The following GALNTL6 variants were observed in gnomAD, a reference collection of about 807,000 sequenced individuals.
GALNTL6 encodes polypeptide N-acetylgalactosaminyltransferase like 6.
A neutral mutation model predicts 73.7 loss-of-function variants in GALNTL6; 46 were observed. That is an observed-to-expected ratio of 0.62 (90% CI 0.49 to 0.80). GALNTL6 has a LOEUF of 0.80. Ranked by LOEUF, GALNTL6 falls within the 30% of genes least tolerant of loss-of-function variation. The probability of loss-of-function intolerance (pLI) is 0.00; values close to 1 mark genes in which losing one functional copy is unlikely to be tolerated. For synonymous variants in GALNTL6, 259 were observed against 263.7 expected (o/e 0.98, Z 0.17); for missense variants, 604 against 755.0 (o/e 0.80, Z 2.34).
At chr4:172,086,692 A>G (rs1202836525) in intron 2 of GALNTL6, among the ~76,000 whole-genome samples, 3 of 152,112 alleles carry the variant, frequency 2.0e-5, no homozygotes, top group Non-Finnish European at 4.4e-5. Flanking sequence ...ATTATTTCAA[A>G]TAATATGCAT....
intron 5 of GALNTL6, among the ~76,000 whole-genome samples, chr4:172,747,679 G>T (rs542285070): frequency 6.6e-6 from 1 of 151,930 alleles, no homozygotes; most frequent in African/African-American, 2.4e-5. Flanking sequence ...TATACCAAAG[G>T]AATTGAAATC....
At chr4:171,929,797 T>C (rs542330164) in intron 2 of GALNTL6, among the ~76,000 whole-genome samples, 208 of 152,256 alleles carry the variant, frequency 1.4e-3, no homozygotes, top group African/African-American at 4.7e-3. Context: ...CCCAGTCCCA[T>C]GGTGCCTGTG....
chr4:172,631,670 G>A (rs1739403186), intron 5 of GALNTL6, among the ~76,000 whole-genome samples: 1 of 152,142 alleles, frequency 6.6e-6, no homozygotes, highest in Non-Finnish European at 1.5e-5. Flanking sequence ...ACTCATGTGT[G>A]GACAATGTTT....
chr4:172,205,845 A>C (rs1736093065), intron 2 of GALNTL6, among the ~76,000 whole-genome samples: 1 of 152,186 alleles, frequency 6.6e-6, no homozygotes, highest in African/African-American at 2.4e-5. Flanking sequence ...AGATCTCATC[A>C]CATAGTTTTT....
intron 4 of GALNTL6, among the ~76,000 whole-genome samples, chr4:172,343,729 C>G (rs1741648338): frequency 6.6e-6 from 1 of 151,794 alleles, no homozygotes; most frequent in South Asian, 2.1e-4. Flanking sequence ...AGAAAATTTG[C>G]CATTGAAGTT....
At chr4:172,535,140 A>T (rs573377643) in intron 5 of GALNTL6, among the ~76,000 whole-genome samples, 1 of 152,198 alleles carries the variant, frequency 6.6e-6, no homozygotes, top group Non-Finnish European at 1.5e-5. Context: ...CTACATTAAA[A>T]CATTTTTCAC....
chr4:173,038,446 G>A (rs1753781886), intron 12 of GALNTL6, among the ~76,000 whole-genome samples: 1 of 152,166 alleles, frequency 6.6e-6, no homozygotes, highest in African/African-American at 2.4e-5. Flanking sequence ...CCAGAGGAGA[G>A]GGAGGAGAGA....
At chr4:172,477,017 C>A (rs1733262172) in intron 5 of GALNTL6, among the ~76,000 whole-genome samples, 1 of 150,490 alleles carries the variant, frequency 6.6e-6, no homozygotes, top group Non-Finnish European at 1.5e-5. Context: ...CTCCGCCTCC[C>A]GGGTTCACGC....
chr4:172,081,777 C>T (rs1445181576), intron 2 of GALNTL6, among the ~76,000 whole-genome samples: 1 of 152,080 alleles, frequency 6.6e-6, no homozygotes, highest in Non-Finnish European at 1.5e-5. Flanking sequence ...ACTACAGGAA[C>T]CCTGGCAGGA....
At chr4:173,036,718 T>A (rs1344420972) in intron 12 of GALNTL6, among the ~76,000 whole-genome samples, 2 of 152,168 alleles carry the variant, frequency 1.3e-5, no homozygotes, top group East Asian at 3.8e-4. Flanking sequence ...GGCCATGCCA[T>A]CCTCCAGGAC....
At chr4:172,728,843 C>T (rs556953678) in intron 5 of GALNTL6, among the ~76,000 whole-genome samples, 1 of 152,260 alleles carries the variant, frequency 6.6e-6, no homozygotes, top group African/African-American at 2.4e-5. Context: ...TCCCACTTAG[C>T]GTATGAAGGT....
chr4:171,904,838 T>A, intron 2 of GALNTL6, among the ~76,000 whole-genome samples: 1 of 152,154 alleles, frequency 6.6e-6, no homozygotes, highest in Non-Finnish European at 1.5e-5. Flanking sequence ...GGGGCCAATA[T>A]TCAACATTCT....
At chr4:172,175,853 C>A (rs1734972908) in intron 2 of GALNTL6, among the ~76,000 whole-genome samples, 1 of 151,632 alleles carries the variant, frequency 6.6e-6, no homozygotes, top group East Asian at 1.9e-4. Flanking sequence ...ACTTTCTTTC[C>A]CTCTGTGTGT....
At chr4:172,863,348 G>A (rs905905217) in intron 7 of GALNTL6, among the ~76,000 whole-genome samples, 4 of 152,156 alleles carry the variant, frequency 2.6e-5, no homozygotes, top group Non-Finnish European at 5.9e-5. Flanking sequence ...GGCACTCAAC[G>A]CCAGCCTGAG....
At chr4:172,158,882 A>G (rs754773947) in intron 2 of GALNTL6, among the ~76,000 whole-genome samples, 4 of 152,086 alleles carry the variant, frequency 2.6e-5, no homozygotes, top group Non-Finnish European at 5.9e-5. Context: ...TTCTACAAAT[A>G]AGAAAAAATG....
At chr4:171,895,950 G>T (rs1425931691) in intron 2 of GALNTL6, among the ~76,000 whole-genome samples, 1 of 151,028 alleles carries the variant, frequency 6.6e-6, no homozygotes, top group African/African-American at 2.4e-5. Flanking sequence ...AGAATTAACA[G>T]CAGAATGGAG....
intron 2 of GALNTL6, among the ~76,000 whole-genome samples, chr4:172,198,142 A>C (rs924535332): frequency 2.6e-5 from 4 of 152,074 alleles, no homozygotes; most frequent in African/African-American, 9.7e-5. Flanking sequence ...CCAAAACTAT[A>C]AAATCCTTAG....
chr4:172,139,795 A>G (rs1053120895), intron 2 of GALNTL6, among the ~76,000 whole-genome samples: 47 of 152,290 alleles, frequency 3.1e-4, no homozygotes, highest in African/African-American at 1.1e-3. Context: ...TTACACAAAT[A>G]TATTTTCACT....
intron 8 of GALNTL6, among the ~76,000 whole-genome samples, chr4:172,907,209 A>G (rs1746945328): frequency 6.6e-6 from 1 of 152,136 alleles, no homozygotes; most frequent in African/African-American, 2.4e-5. Context: ...ATGTTCTAAA[A>G]AAACTTTTTT....
Sources: allele counts gnomAD v4.1 joint callset (sites outside exome capture counted in the v4.1 genomes callset), GRCh38; gene constraint gnomAD v4.1.1; transcripts MANE v1.5; gene names NCBI Gene and HGNC (gene_info 2026-07-23, HGNC 2026-07-21).